The following KIAA1217 variants were observed in gnomAD, a reference collection of about 807,000 sequenced individuals.
The protein encoded by KIAA1217 is sickle tail protein homolog.
A neutral mutation model predicts 163.9 loss-of-function variants in KIAA1217; 88 were observed. The ratio of observed to expected loss-of-function variants is 0.54; its 90% confidence interval spans 0.45 to 0.64. The LOEUF (loss-of-function observed/expected upper bound fraction) is 0.64, where lower values mean the gene tolerates loss of function less well. KIAA1217 is among the 30% of genes least tolerant of loss of function. The pLI is 0.00. For synonymous variants in KIAA1217, 903 were observed against 923.1 expected, an observed-to-expected ratio of 0.98 and a Z score of 0.39; for missense variants, 2,372 against 2,475.0, an observed-to-expected ratio of 0.96 and a Z score of 0.88.
At chr10:24,241,432 T>C (rs1386280124) in intron 2 of KIAA1217, among the ~76,000 whole-genome samples, 1 of 152,212 alleles carries the variant, frequency 6.6e-6, no homozygotes, top group East Asian at 1.9e-4. Context: ...AGAAGTGATA[T>C]TAATTTACTT....
chr10:23,740,528 T>A (rs1839048502), intron 1 of KIAA1217, among the ~76,000 whole-genome samples: 1 of 152,042 alleles, frequency 6.6e-6, no homozygotes, highest in Non-Finnish European at 1.5e-5. Context: ...CCAGTGAATT[T>A]TTTAAAATTT....
At chr10:24,203,936 C>T (rs967918571), upstream of KIAA1217, among the ~76,000 whole-genome samples, 3 of 152,222 alleles carry the variant, frequency 2.0e-5, no homozygotes, top group Non-Finnish European at 4.4e-5. Context: ...TGCACAGATG[C>T]CAGCTCTGGC....
At chr10:23,855,543 T>G (rs1014410175) in intron 1 of KIAA1217, among the ~76,000 whole-genome samples, 3 of 152,190 alleles carry the variant, frequency 2.0e-5, no homozygotes, top group African/African-American at 7.2e-5. Flanking sequence ...CTGTATTTCC[T>G]GAATCTGAAT....
intron 1 of KIAA1217, among the ~76,000 whole-genome samples, chr10:23,880,491 T>C (rs1840902346): frequency 6.6e-6 from 1 of 151,840 alleles, no homozygotes; most frequent in South Asian, 2.1e-4. Flanking sequence ...AGATGGTTAA[T>C]GGGTACAAAA....
intron 2 of KIAA1217, among the ~76,000 whole-genome samples, chr10:24,133,279 A>C (rs1469528044): frequency 1.3e-5 from 2 of 152,144 alleles, no homozygotes; most frequent in African/African-American, 4.8e-5. Flanking sequence ...TCTATTAGTC[A>C]AAAAAGATCT....
intron 1 of KIAA1217, among the ~76,000 whole-genome samples, chr10:23,768,493 G>C (rs920414253): frequency 6.6e-6 from 1 of 152,186 alleles, no homozygotes; most frequent in Non-Finnish European, 1.5e-5. Context: ...ATTAATATTT[G>C]TTAAATCCAT....
At chr10:24,273,889 A>T (rs2077013616) in intron 2 of KIAA1217, among the ~76,000 whole-genome samples, 1 of 151,556 alleles carries the variant, frequency 6.6e-6, no homozygotes, top group African/African-American at 2.4e-5. Flanking sequence ...TGTTGCAGGG[A>T]TTGGGACATC....
chr10:24,350,897 A>G (rs1217020919), intron 2 of KIAA1217, among the ~76,000 whole-genome samples: 2 of 151,238 alleles, frequency 1.3e-5, no homozygotes, highest in Admixed American at 1.3e-4. Flanking sequence ...GATCATACCT[A>G]ATAGGTCATG....
intron 2 of KIAA1217, among the ~76,000 whole-genome samples, chr10:24,377,193 C>A (rs1322703028): frequency 1.3e-5 from 2 of 152,028 alleles, no homozygotes; most frequent in Non-Finnish European, 2.9e-5. Context: ...CATGCATGAC[C>A]CCAAAGGGCT....
intron 1 of KIAA1217, among the ~76,000 whole-genome samples, chr10:23,811,327 A>G (rs902029760): frequency 2.7e-5 from 4 of 148,160 alleles, no homozygotes; most frequent in African/African-American, 9.9e-5. Flanking sequence ...TAGAGGGAGT[A>G]TGTATATAGT....
intron 1 of KIAA1217, among the ~76,000 whole-genome samples, chr10:23,897,130 A>C (rs561870648): frequency 3.9e-5 from 6 of 152,082 alleles, no homozygotes. Flanking sequence ...TATTTTAAGC[A>C]CTTCATTGGT....
At chr10:24,158,332 G>A (rs2064971672) in intron 2 of KIAA1217, 1 of 677,768 alleles carries the variant, frequency 1.5e-6, no homozygotes, top group Non-Finnish European at 2.8e-6. Context: ...GACTTCAGAA[G>A]GTCACCTTGA....
chr10:24,540,776 T>C (rs975072399), intron 17 of KIAA1217, among the ~76,000 whole-genome samples: 2 of 152,078 alleles, frequency 1.3e-5, no homozygotes, highest in African/African-American at 4.8e-5. Flanking sequence ...TATATATACA[T>C]ATATTTTGAG....
At chr10:24,171,944 C>T (rs953773201) in intron 2 of KIAA1217, among the ~76,000 whole-genome samples, 1 of 152,148 alleles carries the variant, frequency 6.6e-6, no homozygotes, top group Non-Finnish European at 1.5e-5. Context: ...CACACATTGT[C>T]TTAATTTCAT....
chr10:23,918,765 C>T (rs185935724), intron 1 of KIAA1217, among the ~76,000 whole-genome samples: 12 of 150,268 alleles, frequency 8.0e-5, no homozygotes, highest in Admixed American at 4.0e-4. Context: ...CACACACACA[C>T]ATATATAGTA....
intron 3 of KIAA1217, among the ~76,000 whole-genome samples, chr10:24,424,712 C>A (rs572143398): frequency 6.6e-6 from 1 of 152,316 alleles, no homozygotes; most frequent in African/African-American, 2.4e-5. Flanking sequence ...AAGCAATTCT[C>A]ATGCCTCAGC....
intron 5 of KIAA1217, among the ~76,000 whole-genome samples, chr10:24,444,809 T>A (rs2060787902): frequency 6.6e-6 from 1 of 152,204 alleles, no homozygotes; most frequent in Admixed American, 6.5e-5. Context: ...ACTCTAAAGC[T>A]TAGAATTAAA....
intron 2 of KIAA1217, among the ~76,000 whole-genome samples, chr10:24,221,051 G>A (rs2069569036): frequency 6.6e-6 from 1 of 152,092 alleles, no homozygotes. Flanking sequence ...ATGAACCACT[G>A]TGCCTGGCAT....
At position 24,138,173 on chromosome 10, in the gene KIAA1217, AG is replaced by A. The variant is rs1383579046; in HGVS notation, c.-170-81451del. 2.0e-5 allele frequency among the ~76,000 whole-genome samples: 3 copies of A among 152,128 alleles called. No homozygotes were observed. In the East Asian group the frequency reaches 5.8e-4, roughly 29 times the overall value. On this transcript the variant is annotated intron_variant, in intron 2 of 18. Coordinates refer to the KIAA1217 transcript ENST00000376462. ...TTTTTGCTTTTTGGTTTTGTTTTAG[AG>A]GCAGGGTCTTTCTCTGTCACTCAGG...
Sources: gnomAD v4.1 joint callset for allele counts (sites outside exome capture counted in the v4.1 genomes callset) on GRCh38, gnomAD v4.1.1 for gene constraint, MANE v1.5 for transcripts, NCBI Gene and HGNC (gene_info 2026-07-23, HGNC 2026-07-21) for gene names.